MYO10: variants seen among roughly 807,000 people sequenced by gnomAD.
MYO10 encodes the protein unconventional myosin-X.
In MYO10, 133 loss-of-function variants were observed where a neutral mutation model predicts 257.3. The observed-to-expected ratio is 0.52, with a 90% CI of 0.45 to 0.60. The LOEUF (loss-of-function observed/expected upper bound fraction) is 0.60. Ranked by LOEUF, MYO10 falls within the 20% of genes least tolerant of loss-of-function variation. The pLI is 0.00. For synonymous variants in MYO10, 1,104 were observed against 1,028.6 expected (o/e 1.07, Z -1.40); for missense variants, 2,399 against 2,635.7 (o/e 0.91, Z 1.97).
chr5:16,776,772 G>T (rs779988462), intron 9 of MYO10, among the ~76,000 whole-genome samples: 2 of 152,166 alleles, frequency 1.3e-5, no homozygotes, highest in Non-Finnish European at 2.9e-5. Context: ...GAGTACCAAC[G>T]GAGTATCTGA....
At chr5:16,760,836 A>G (rs1740688525) in intron 17 of MYO10, among the ~76,000 whole-genome samples, 1 of 152,110 alleles carries the variant, frequency 6.6e-6, no homozygotes, top group Non-Finnish European at 1.5e-5. Flanking sequence ...TGGGGAAGTC[A>G]CTTAACAGCT....
At chr5:16,754,033 C>G (rs1364461695) in intron 19 of MYO10, among the ~76,000 whole-genome samples, 1 of 151,900 alleles carries the variant, frequency 6.6e-6, no homozygotes, top group Non-Finnish European at 1.5e-5. Flanking sequence ...AATTAAATTA[C>G]ATAAAAATTA....
chr5:16,792,116 C>A (rs1038576785), intron 4 of MYO10, among the ~76,000 whole-genome samples: 1 of 90,876 alleles, frequency 1.1e-5, no homozygotes, highest in Non-Finnish European at 2.5e-5. Flanking sequence ...TACATACACA[C>A]ACACACACAC....
chr5:16,825,681 A>C (rs1742978555), intron 2 of MYO10, among the ~76,000 whole-genome samples: 1 of 152,194 alleles, frequency 6.6e-6, no homozygotes, highest in African/African-American at 2.4e-5. Context: ...GGTATTATAC[A>C]TACAGAAAGG....
At chr5:16,931,578 C>G (rs114813643) in intron 1 of MYO10, among the ~76,000 whole-genome samples, 105 of 152,228 alleles carry the variant, frequency 6.9e-4, no homozygotes, top group Non-Finnish European at 1.4e-3. Context: ...CCTGCTGCAA[C>G]AACTGTCCCA....
intron 6 of MYO10, 68 bp from the exon 7 acceptor site, chr5:16,780,809 T>C: frequency 7.0e-7 from 1 of 1,438,702 alleles, no homozygotes; most frequent in Non-Finnish European, 9.5e-7. Context: ...AACTAGTCTT[T>C]CATTTTCTAT....
intron 19 of MYO10, among the ~76,000 whole-genome samples, chr5:16,753,141 T>C (rs1037707984): frequency 5.9e-5 from 9 of 152,156 alleles, no homozygotes; most frequent in Non-Finnish European, 1.2e-4. Context: ...TAATTCAACA[T>C]TGTGGTTCTG....
At chr5:16,678,599 A>T (rs1736844042) in intron 33 of MYO10, among the ~76,000 whole-genome samples, 1 of 152,006 alleles carries the variant, frequency 6.6e-6, no homozygotes, top group Admixed American at 6.5e-5. Context: ...ACAAACAAAA[A>T]ACAACTGGCT....
At chr5:16,732,987 A>G (rs947039807) in intron 19 of MYO10, among the ~76,000 whole-genome samples, 2 of 152,206 alleles carry the variant, frequency 1.3e-5, no homozygotes, top group African/African-American at 4.8e-5. Flanking sequence ...TACAAAAATT[A>G]GCCAGGCATG....
chr5:16,902,284 A>ACT (rs1745401485), intron 1 of MYO10: 14 of 789,684 alleles, frequency 1.8e-5, no homozygotes, highest in Non-Finnish European at 2.9e-5. Flanking sequence ...GTCTTTAAGA[A>ACT]CTCAGCTCCT....
chr5:16,682,316 G>A (rs1737045462), intron 30 of MYO10, among the ~76,000 whole-genome samples: 2 of 152,154 alleles, frequency 1.3e-5, no homozygotes, highest in South Asian at 2.1e-4. Flanking sequence ...GTGACCATGA[G>A]GGAAAATTTT....
At chr5:16,717,672 G>A (rs1738929973) in intron 19 of MYO10, among the ~76,000 whole-genome samples, 1 of 152,150 alleles carries the variant, frequency 6.6e-6, no homozygotes. Context: ...ATCATCAGCG[G>A]ACCATATCCT....
At chr5:16,908,275 C>T (rs541360778) in intron 1 of MYO10, among the ~76,000 whole-genome samples, 2 of 152,182 alleles carry the variant, frequency 1.3e-5, no homozygotes, top group Admixed American at 1.3e-4. Flanking sequence ...CACCTGTAAT[C>T]CCAGCACTTT....
intron 2 of MYO10, among the ~76,000 whole-genome samples, chr5:16,838,680 C>CT (rs1743384596): frequency 1.3e-5 from 2 of 152,174 alleles, no homozygotes; most frequent in African/African-American, 4.8e-5. Context: ...CAGCCTCCTA[C>CT]TAGAAGCTGC....
At chr5:16,898,755 A>C (rs1191325633) in intron 1 of MYO10, among the ~76,000 whole-genome samples, 1 of 151,946 alleles carries the variant, frequency 6.6e-6, no homozygotes, top group Non-Finnish European at 1.5e-5. Flanking sequence ...GCACATCTCA[A>C]CTTGGAACAG....
chr5:16,785,490 C>A (rs6877321), intron 4 of MYO10, among the ~76,000 whole-genome samples: 114,604 of 151,942 alleles, frequency 0.75, 43,615 homozygotes, highest in Non-Finnish European at 0.82. Flanking sequence ...ATGGTGAGGC[C>A]GAAACAATGT....
At chr5:16,669,652 T>C (rs764543312) in intron 39 of MYO10, among the ~76,000 whole-genome samples, 1 of 152,314 alleles carries the variant, frequency 6.6e-6, no homozygotes, top group Admixed American at 6.5e-5. Flanking sequence ...ACAGGCATAA[T>C]TGAACCAACC....
intron 39 of MYO10, 50 bp from the exon 40 acceptor site, chr5:16,668,518 C>G: frequency 6.8e-7 from 1 of 1,468,304 alleles, no homozygotes. Flanking sequence ...TGGTTGGCAA[C>G]AGAAAGCATC....
intron 19 of MYO10, among the ~76,000 whole-genome samples, chr5:16,722,860 C>T (rs153185): frequency 0.81 from 122,781 of 152,138 alleles, 49,769 homozygotes; most frequent in Non-Finnish European, 0.82. Context: ...AACCTTCTTC[C>T]GAGAAAGATG....
Sources: allele counts gnomAD v4.1 joint callset (sites outside exome capture counted in the v4.1 genomes callset), GRCh38; gene constraint gnomAD v4.1.1; transcripts MANE v1.5; gene names NCBI Gene and HGNC (gene_info 2026-07-23, HGNC 2026-07-21).